GRIP1: variants seen among roughly 807,000 people sequenced by gnomAD.
GRIP1 encodes the protein glutamate receptor-interacting protein 1.
Under a neutral mutation model 129.9 loss-of-function variants are expected in GRIP1, and 45 were observed. The observed-to-expected ratio is 0.35, with a 90% CI of 0.27 to 0.44. The LOEUF is 0.44. Among genes scored for constraint, GRIP1 ranks in the 20% least tolerant of loss-of-function variants. GRIP1 has a pLI of 1.00. For missense variants in GRIP1, 1,196 were observed against 1,396.8 expected (o/e 0.86, Z 2.29); for synonymous variants, 530 against 520.8 (o/e 1.02, Z -0.24).
chr12:66,354,082 C>T (rs759939020), intron 23 of GRIP1, among the ~76,000 whole-genome samples: 2 of 152,142 alleles, frequency 1.3e-5, no homozygotes, highest in African/African-American at 2.4e-5. Context: ...AGCACCATCA[C>T]AGAACACTAT....
At chr12:66,788,878 T>C (rs1160051031) in intron 1 of GRIP1, among the ~76,000 whole-genome samples, 1 of 152,110 alleles carries the variant, frequency 6.6e-6, no homozygotes, top group African/African-American at 2.4e-5. Flanking sequence ...GTATTCCTGA[T>C]CCACAGAAAC....
chr12:66,949,239 A>T (rs1374244058), intron 1 of GRIP1, among the ~76,000 whole-genome samples: 2 of 152,018 alleles, frequency 1.3e-5, no homozygotes, highest in Admixed American at 1.3e-4. Flanking sequence ...ATTCACTATT[A>T]AAAAAAAGAA....
rs1050431845 is a variant in GRIP1 at position 66,973,142 on chromosome 12, T to C, written c.58+95908A>G. On this transcript the variant is annotated intron_variant, in intron 1 of 1. Transcript: ENST00000643019. ...TTTTAAAACACAGCCACCATTTTTT[T>C]CTATAAACACAGTAACATGTAATTT... Among the ~76,000 whole-genome samples the C allele has an allele frequency of 1.9e-4, 29 of 152,212 alleles. 1 individual carries two copies. The highest frequency in any genetic ancestry group is 6.5e-5 in the Admixed American group (1 of 15,282).
intron 1 of GRIP1, among the ~76,000 whole-genome samples, chr12:66,941,420 C>T (rs972343458): frequency 6.6e-6 from 1 of 152,190 alleles, no homozygotes; most frequent in Admixed American, 6.5e-5. Context: ...TGACTCACCC[C>T]TTTTATAAGG....
At chr12:66,966,127 T>C (rs186004850) in intron 1 of GRIP1, among the ~76,000 whole-genome samples, 2 of 152,308 alleles carry the variant, frequency 1.3e-5, no homozygotes, top group Non-Finnish European at 2.9e-5. Flanking sequence ...TGTTCTTGCA[T>C]ATATTTATAA....
At chr12:66,719,606 C>T (rs2035997481) in intron 1 of GRIP1, among the ~76,000 whole-genome samples, 1 of 152,128 alleles carries the variant, frequency 6.6e-6, no homozygotes, top group South Asian at 2.1e-4. Flanking sequence ...TGATGAAAAA[C>T]TGTATAAAAA....
rs144890155 is a variant in GRIP1 at position 66,708,222 on chromosome 12, G to A, written c.-419-77886C>T. Among the ~76,000 whole-genome samples, 988 of 151,986 alleles carry A rather than the reference G, an allele frequency of 6.5e-3. 2 individuals carry two copies. The highest frequency in any genetic ancestry group is 0.01 in the Admixed American group (156 of 15,240). ...CACACAGTAGGGAGAATGGAATGAG[G>A]TTGCTCATAATGCTTTTTTACATCA... On this transcript the variant is annotated intron_variant, in intron 1 of 4. Coordinates refer to the GRIP1 transcript ENST00000538373.
At chr12:66,905,432 G>T (rs1216306609) in intron 1 of GRIP1, among the ~76,000 whole-genome samples, 1 of 152,200 alleles carries the variant, frequency 6.6e-6, no homozygotes, top group African/African-American at 2.4e-5. Context: ...AGCCCCAGGG[G>T]AGGATACTGA....
Position 66,750,063 on chromosome 12 carries a change from A to G in GRIP1, c.-420+53990T>C, listed in dbSNP as rs146678992. Among the ~76,000 whole-genome samples, 330 of 152,246 alleles carry G rather than the reference A, an allele frequency of 2.2e-3. 2 individuals carry two copies. The highest frequency in any genetic ancestry group is 6.8e-3 in the Middle Eastern group (2 of 294). On this transcript the variant is annotated intron_variant, in intron 1 of 4. Coordinates refer to the GRIP1 transcript ENST00000538373. ...CTGGAGACAAGGCATTCCAATGTGT[A>G]TATGTCTACAGTGTACACCATAGGA...
chr12:66,588,473 TTTC>T (rs2063725619), intron 2 of GRIP1, among the ~76,000 whole-genome samples: 3 of 152,290 alleles, frequency 2.0e-5, no homozygotes, highest in Admixed American at 6.5e-5. Flanking sequence ...CACCTCACAC[TTTC>T]TTGATACTTC....
intron 1 of GRIP1, among the ~76,000 whole-genome samples, chr12:67,033,511 C>T (rs2043052848): frequency 6.6e-6 from 1 of 152,088 alleles, no homozygotes; most frequent in South Asian, 2.1e-4. Context: ...CAAGCTTCCC[C>T]TAGGTCACAC....
chr12:66,539,780 G>A lies in GRIP1; in HGVS notation c.273-557C>T, dbSNP rs11176252. On this transcript the variant is annotated intron_variant, in intron 3 of 24. Transcript: ENST00000359742. The stretch of plus-strand genomic sequence containing the variant: ...TTGCTTACAGCAGGATTGATAAGAA[G>A]AGTATTGGTGAAGGAGAAATCACAA... Among the ~76,000 whole-genome samples the A allele has an allele frequency of 2.6e-5, 4 of 152,048 alleles. 1 individual carries two copies. The highest frequency in any genetic ancestry group is 6.5e-5 in the Admixed American group (1 of 15,268).
intron 1 of GRIP1, among the ~76,000 whole-genome samples, chr12:66,604,086 T>C (rs2064400116): frequency 6.6e-6 from 1 of 152,158 alleles, no homozygotes; most frequent in Non-Finnish European, 1.5e-5. Context: ...TTTGCTTCCT[T>C]GCATCTGCAC....
rs561494146 is a variant in GRIP1 at position 67,055,366 on chromosome 12, G to A, written c.58+13684C>T. ...ACCTTGGGTAAGAGTACACCGTTAG[G>A]CTTCACAGCAGTGAAGACAGACTAT... On this transcript the variant is annotated intron_variant, in intron 1 of 1. Coordinates refer to the GRIP1 transcript ENST00000643019. Among the ~76,000 whole-genome samples, 21 of 145,930 alleles carry A rather than the reference G, an allele frequency of 1.4e-4. No homozygotes were observed. In the South Asian group the frequency reaches 3.3e-3, roughly 23 times the overall value.
chr12:66,350,387 C>A (rs143872141), intron 24 of GRIP1, among the ~76,000 whole-genome samples: 2,043 of 152,236 alleles, frequency 0.013, 108 homozygotes, highest in Admixed American at 0.089. Flanking sequence ...ATCCCAGCTA[C>A]TTGGGAGCTG....
intron 4 of GRIP1, among the ~76,000 whole-genome samples, chr12:66,533,845 ACACACACACACACACACT>A: frequency 1.8e-5 from 1 of 55,202 alleles, no homozygotes; most frequent in South Asian, 6.7e-4. Context: ...CAGATTACAC[ACACACACACACACACACT>A]CACACACACA....
intron 1 of GRIP1, among the ~76,000 whole-genome samples, chr12:66,775,574 A>G (rs991192746): frequency 6.6e-6 from 1 of 152,200 alleles, no homozygotes; most frequent in African/African-American, 2.4e-5. Context: ...GATCCTAAAC[A>G]AAAATATTCA....
At chr12:66,939,264 T>C (rs561121524) in intron 1 of GRIP1, among the ~76,000 whole-genome samples, 25 of 152,172 alleles carry the variant, frequency 1.6e-4, no homozygotes, top group African/African-American at 3.4e-4. Context: ...AGGTGGAGGA[T>C]TGAGACCAGG....
chr12:66,742,636 T>C (rs1456740371), intron 1 of GRIP1, among the ~76,000 whole-genome samples: 1 of 151,510 alleles, frequency 6.6e-6, no homozygotes, highest in Non-Finnish European at 1.5e-5. Flanking sequence ...CAGAAAAATG[T>C]TAAAAAAAAA....
Sources: allele counts gnomAD v4.1 joint callset (sites outside exome capture counted in the v4.1 genomes callset), GRCh38; gene constraint gnomAD v4.1.1; transcripts MANE v1.5; gene names NCBI Gene and HGNC (gene_info 2026-07-23, HGNC 2026-07-21).